CACNA1C: variants seen among roughly 807,000 people sequenced by gnomAD.
CACNA1C encodes calcium voltage-gated channel subunit alpha1 C, also known as voltage-dependent L-type calcium channel subunit alpha-1C.
In CACNA1C, 30 loss-of-function variants were observed where a neutral mutation model predicts 229.0. The observed-to-expected ratio is 0.13, with a 90% CI of 0.10 to 0.18. The LOEUF (loss-of-function observed/expected upper bound fraction) is 0.18. CACNA1C is among the 10% of genes least tolerant of loss of function. CACNA1C has a pLI of 1.00. For synonymous variants in CACNA1C, 1,114 were observed against 1,132.5 expected, an observed-to-expected ratio of 0.98 and a Z score of 0.33; for missense variants, 1,658 against 2,845.0, an observed-to-expected ratio of 0.58 and a Z score of 9.49.
At chr12:2,060,797 A>C (rs955697449) in intron 1 of CACNA1C, among the ~76,000 whole-genome samples, 7 of 152,254 alleles carry the variant, frequency 4.6e-5, no homozygotes, top group African/African-American at 1.7e-4. Flanking sequence ...AAAATAAAAT[A>C]ATCTTGTCTC....
intron 3 of CACNA1C, among the ~76,000 whole-genome samples, chr12:2,298,909 T>TAAC (rs969533552): frequency 2.6e-5 from 4 of 152,190 alleles, no homozygotes; most frequent in African/African-American, 9.7e-5. Context: ...ACTTCAAGAG[T>TAAC]AACACTGTTG....
intron 8 of CACNA1C, among the ~76,000 whole-genome samples, chr12:2,506,555 T>TA (rs1295369256): frequency 6.6e-6 from 1 of 152,208 alleles, no homozygotes; most frequent in Non-Finnish European, 1.5e-5. Flanking sequence ...GTGCTATCAT[T>TA]ACAATGATTA....
chr12:2,618,117 G>T (rs1055127514), intron 29 of CACNA1C, among the ~76,000 whole-genome samples: 52 of 152,180 alleles, frequency 3.4e-4, no homozygotes, highest in African/African-American at 1.1e-3. Flanking sequence ...TTAGGTGTTG[G>T]AGTCTGTGGC....
chr12:2,036,755 C>T lies in CACNA1C; in HGVS notation c.139+65554C>T, dbSNP rs143322360. On this transcript the variant is annotated intron_variant, in intron 1 of 46. Coordinates refer to the CACNA1C transcript ENST00000682462. ...CTGGGATTACAGGCATGAGCCACGGCGCCCAGCCTCCCCTTTCCTATCTTT... is the reference window on the plus strand; with the variant it reads ...CTGGGATTACAGGCATGAGCCACGGTGCCCAGCCTCCCCTTTCCTATCTTT... 4.6e-4 allele frequency among the ~76,000 whole-genome samples: 70 copies of T among 152,260 alleles called. 1 individual carries two copies. In the East Asian group the frequency reaches 6.6e-3, roughly 14 times the overall value.
At position 2,691,051 on chromosome 12, in the gene CACNA1C, C is replaced by T; in HGVS notation, c.6269C>T (p.Pro2090Leu). 2.5e-6 allele frequency: 4 copies of T among 1,606,344 alleles called. No homozygotes were observed. The highest frequency in any genetic ancestry group is 3.4e-6 in the Non-Finnish European group (4 of 1,176,686). ...NILSGGAPQS[P>L]NGALLPFVNC... is the part of the protein sequence containing the mutation. The stretch of plus-strand genomic sequence containing the variant: ...CTCAGCGGGGGCGCCCCACAGAGCC[C>T]CAATGGCGCCCTCTTACCCTTTGTG... The change falls in exon 47 of 47, where the codon CCC (proline) becomes CTC (leucine). Residue 2090 changes from proline (P) to leucine (L), a missense_variant. This residue lies in a region of CACNA1C where 590 missense variants were observed against 700.8 expected (regional missense o/e 0.84). Coordinates refer to ENST00000399655, the MANE Select transcript of CACNA1C (RefSeq NM_000719.7).
At chr12:2,075,193 A>AG (rs1279955708) in intron 1 of CACNA1C, among the ~76,000 whole-genome samples, 5 of 152,200 alleles carry the variant, frequency 3.3e-5, no homozygotes, top group African/African-American at 1.2e-4. Context: ...GATGATTGCA[A>AG]GGGATGATAG....
chr12:2,041,544 G>C (rs1395683421), intron 1 of CACNA1C, among the ~76,000 whole-genome samples: 4 of 152,082 alleles, frequency 2.6e-5, no homozygotes, highest in African/African-American at 9.7e-5. Flanking sequence ...CCAAAGTGCT[G>C]GGATTACAGG....
chr12:2,443,689 T>C (rs1277750545), intron 3 of CACNA1C, among the ~76,000 whole-genome samples: 2 of 152,178 alleles, frequency 1.3e-5, no homozygotes, highest in Non-Finnish European at 2.9e-5. Context: ...AGTTCAGGCA[T>C]GAAGAGGGCC....
At chr12:2,111,296 G>A (rs537709292) in intron 1 of CACNA1C, among the ~76,000 whole-genome samples, 1 of 152,334 alleles carries the variant, frequency 6.6e-6, no homozygotes, top group African/African-American at 2.4e-5. Flanking sequence ...ACCAGGATGT[G>A]GTTTTCAGAG....
At chr12:2,511,398 C>G (rs1263032922) in intron 8 of CACNA1C, among the ~76,000 whole-genome samples, 1 of 152,154 alleles carries the variant, frequency 6.6e-6, no homozygotes, top group South Asian at 2.1e-4. Context: ...AGCCCTTTGC[C>G]CTCTTATGGT....
Position 2,566,367 on chromosome 12 carries a change from G to A in CACNA1C, c.1509-55G>A. ...AGCCATGGTGCTGCATCTTGGGTTG[G>A]AGGAAACCTGAATTCACAGCCAACC... is the stretch of plus-strand genomic sequence containing the variant. On this transcript the variant is annotated intron_variant, in intron 11 of 46. Transcript: ENST00000399655. The surrounding 1 kb of genome is among the most constrained non-coding windows in gnomAD (Gnocchi z 4.0). 3 of 1,485,662 alleles carry A rather than the reference G, an allele frequency of 2.0e-6. No individual in the cohort carries two copies. The highest frequency in any genetic ancestry group is 1.8e-6 in the Non-Finnish European group (2 of 1,099,924). 92.0% of individuals were successfully genotyped at this position (1,485,662 alleles called of 1,614,324 possible).
chr12:2,333,643 C>T (rs560090144), intron 3 of CACNA1C, among the ~76,000 whole-genome samples: 6 of 152,224 alleles, frequency 3.9e-5, no homozygotes, highest in East Asian at 1.9e-4. Flanking sequence ...CCTCACAAGG[C>T]GTAACGACAG....
chr12:2,569,881 A>G (rs2053388451), intron 13 of CACNA1C, among the ~76,000 whole-genome samples: 1 of 152,236 alleles, frequency 6.6e-6, no homozygotes. Flanking sequence ...TGTTTTCCAA[A>G]GAGACTAAAG....
At chr12:2,556,142 CTCTT>C (rs1343837304) in intron 10 of CACNA1C, among the ~76,000 whole-genome samples, 1 of 152,194 alleles carries the variant, frequency 6.6e-6, no homozygotes, top group Non-Finnish European at 1.5e-5. Context: ...CTGTCTCTCT[CTCTT>C]TGGCTCAGCC....
In CACNA1C at chr12:2,486,934, C is replaced by G. The variant is rs916150611; in HGVS notation, c.916+672C>G. Among the ~76,000 whole-genome samples the G allele has an allele frequency of 6.6e-6, 1 of 152,338 alleles. No individual in the cohort carries two copies. Among genetic ancestry groups the G allele is most frequent in the South Asian group, 2.1e-4 (1 of 4,828 alleles). On this transcript the variant is annotated intron_variant, in intron 6 of 46. Coordinates refer to ENST00000399655, the MANE Select transcript of CACNA1C (RefSeq NM_000719.7). The surrounding 1 kb of genome is among the most constrained non-coding windows in gnomAD (Gnocchi z 4.9). ...TTCCTTTTTGAGCCTTCCCACTTCA[C>G]GTTCCTTCCATAAATCAATATATTT...
rs535483832 is a variant in CACNA1C at position 2,450,528 on chromosome 12, T to C, written c.617+1413T>C. ...GAGATCATGCCACTGCACTCCAGCC[T>C]GGGCAACAGAGCGAGACTCCATCTC... On this transcript the variant is annotated intron_variant, in intron 4 of 46. Coordinates refer to ENST00000399655, the MANE Select transcript of CACNA1C (RefSeq NM_000719.7). Among the ~76,000 whole-genome samples, 4 of 107,034 alleles carry C rather than the reference T, an allele frequency of 3.7e-5. 1 individual carries two copies. The highest frequency in any genetic ancestry group is 1.5e-4 in the Admixed American group (1 of 6,746). 70.2% of individuals were successfully genotyped at this position (107,034 alleles called of 152,430 possible).
In CACNA1C at chr12:2,560,425, A is replaced by T. The variant is rs576680489; in HGVS notation, c.1508+3448A>T. Among the ~76,000 whole-genome samples, 9 of 152,370 alleles carry T rather than the reference A, an allele frequency of 5.9e-5. No individual in the cohort carries two copies. In the East Asian group the frequency reaches 1.7e-3, roughly 29 times the overall value. ...GTCTCTAGGGAAAATGTGGCCGGTT[A>T]GTGGATTACAGCCATAGTGGAGGAT... On this transcript the variant is annotated intron_variant, in intron 11 of 46. Transcript: ENST00000399655.
rs200412525 is a variant in CACNA1C at position 2,566,410 on chromosome 12, T to G, written c.1509-12T>G. ...AGCCAACCCCACCCTTCTCTCCCTG[T>G]CCCCTTTCCAGCCGCTACTGGCGCC... On this transcript the variant is annotated splice_polypyrimidine_tract_variant and intron_variant, in intron 11 of 46. Coordinates refer to ENST00000399655, the MANE Select transcript of CACNA1C (RefSeq NM_000719.7). The surrounding 1 kb of genome is among the most constrained non-coding windows in gnomAD (Gnocchi z 4.0). 1.3e-4 allele frequency: 207 copies of G among 1,579,518 alleles called. 1 individual carries two copies. The highest frequency in any genetic ancestry group is 1.3e-4 in the Non-Finnish European group (156 of 1,162,428).
Position 2,566,126 on chromosome 12 carries a change from A to G in CACNA1C, c.1509-296A>G, listed in dbSNP as rs2050750975. Reference sequence around the variant, plus strand: ...TTAAAAAAACTTCCATTTATTGAGCATCTTCAACTTCAAAGCAGCCAGATG... The same window carrying G: ...TTAAAAAAACTTCCATTTATTGAGCGTCTTCAACTTCAAAGCAGCCAGATG... On this transcript the variant is annotated intron_variant, in intron 11 of 46. Transcript: ENST00000399655. The surrounding 1 kb of genome is among the most constrained non-coding windows in gnomAD (Gnocchi z 4.0). 6.6e-6 allele frequency among the ~76,000 whole-genome samples: 1 copy of G among 152,238 alleles called. No individual in the cohort carries two copies. The highest frequency in any genetic ancestry group is 2.1e-4 in the South Asian group (1 of 4,822).
Sources: allele counts gnomAD v4.1 joint callset (sites outside exome capture counted in the v4.1 genomes callset), GRCh38; gene constraint gnomAD v4.1.1; regional missense constraint gnomAD v4.1.1; non-coding constraint Gnocchi (gnomAD v3.1); transcripts MANE v1.5; gene names NCBI Gene and HGNC (gene_info 2026-07-23, HGNC 2026-07-21).